Variants in CELF4 observed in about 807,000 individuals in gnomAD.
CELF4 encodes the protein CUGBP Elav-like family member 4, also known as CUG-BP- and ETR-3-like factor 4.
In CELF4, 18 loss-of-function variants were observed where a neutral mutation model predicts 59.9. That is an observed-to-expected ratio of 0.30 (90% CI 0.21 to 0.45). The LOEUF (loss-of-function observed/expected upper bound fraction) is 0.45, where lower values mean the gene tolerates loss of function less well. Ranked by LOEUF, CELF4 falls within the 20% of genes least tolerant of loss-of-function variation. CELF4 has a pLI of 1.00. For missense variants in CELF4, 456 were observed against 689.0 expected (o/e 0.66, Z 3.79); for synonymous variants, 261 against 267.1 (o/e 0.98, Z 0.22).
chr18:37,492,358 T>C (rs995228109), intron 1 of CELF4, among the ~76,000 whole-genome samples: 1 of 152,184 alleles, frequency 6.6e-6, no homozygotes, highest in Non-Finnish European at 1.5e-5. Flanking sequence ...CACCCCCGGC[T>C]GCACCTGAGA....
At chr18:37,298,193 A>C (rs146326697) in intron 3 of CELF4, among the ~76,000 whole-genome samples, 4 of 152,278 alleles carry the variant, frequency 2.6e-5, no homozygotes, top group Admixed American at 1.3e-4. Context: ...GAATATCTTG[A>C]GAGTGTGTAT....
At chr18:37,271,067 C>T in intron 7 of CELF4, 150 bp from the exon 8 acceptor site, 1 of 653,622 alleles carries the variant, frequency 1.5e-6, no homozygotes, top group Non-Finnish European at 2.5e-6. Flanking sequence ...TATCTATGAC[C>T]CATGCCTTGG....
rs190524086 is a variant in CELF4, at chr18:37,447,935, G to A, written c.369+37590C>T. Among the ~76,000 whole-genome samples the A allele has an allele frequency of 2.8e-4, 43 of 152,230 alleles. 1 individual carries two copies. The highest frequency in any genetic ancestry group is 6.7e-4 in the African/African-American group (28 of 41,542). ...CCCCAAGCACCTCCACCTCTCCTCC[G>A]GGGCCATCCAGGGCTCCCTGCAGCT... is the stretch of plus-strand genomic sequence containing the variant. On this transcript the variant is annotated intron_variant, in intron 2 of 12. Transcript: ENST00000420428.
intron 1 of CELF4, among the ~76,000 whole-genome samples, chr18:37,553,969 G>A (rs1010898227): frequency 2.0e-5 from 3 of 152,206 alleles, no homozygotes; most frequent in Non-Finnish European, 2.9e-5. Flanking sequence ...CGCAATTTAG[G>A]GGCTTCCTCC....
At chr18:37,364,619 C>T (rs1030086723) in intron 2 of CELF4, among the ~76,000 whole-genome samples, 1 of 152,208 alleles carries the variant, frequency 6.6e-6, no homozygotes, top group Admixed American at 6.5e-5. Flanking sequence ...TGCATACTAT[C>T]CACCAGGCCC....
intron 2 of CELF4, among the ~76,000 whole-genome samples, chr18:37,459,258 T>G (rs1170286632): frequency 6.6e-6 from 1 of 152,170 alleles, no homozygotes; most frequent in African/African-American, 2.4e-5. Flanking sequence ...TTCTCTTTGG[T>G]CCCAGTTTGT....
At chr18:37,481,527 G>C (rs2099867121) in intron 2 of CELF4, among the ~76,000 whole-genome samples, 1 of 152,164 alleles carries the variant, frequency 6.6e-6, no homozygotes, top group South Asian at 2.1e-4. Flanking sequence ...GAGGAGCTGC[G>C]ACAAAGCTTC....
intron 2 of CELF4, among the ~76,000 whole-genome samples, chr18:37,455,610 C>T (rs1458778602): frequency 1.3e-5 from 2 of 152,214 alleles, no homozygotes; most frequent in Non-Finnish European, 2.9e-5. Flanking sequence ...GACATCAGGG[C>T]TGTGGACACA....
chr18:37,387,832 C>T (rs2099115516), intron 2 of CELF4, among the ~76,000 whole-genome samples: 1 of 152,228 alleles, frequency 6.6e-6, no homozygotes, highest in Admixed American at 6.5e-5. Flanking sequence ...CATCCCCAAT[C>T]CTGGCGAAGG....
At chr18:37,443,983 C>A (rs747113287) in intron 2 of CELF4, among the ~76,000 whole-genome samples, 1 of 152,146 alleles carries the variant, frequency 6.6e-6, no homozygotes, top group Non-Finnish European at 1.5e-5. Context: ...ATTCTCCTCA[C>A]GCTCTATAAT....
chr18:37,300,865 A>AG (rs2095984526), intron 3 of CELF4, among the ~76,000 whole-genome samples: 2 of 152,204 alleles, frequency 1.3e-5, no homozygotes, highest in South Asian at 4.1e-4. Flanking sequence ...TGCCTGGCAG[A>AG]GGGAGCAGCT....
intron 1 of CELF4, among the ~76,000 whole-genome samples, chr18:37,510,117 T>C (rs73947293): frequency 0.05 from 7,627 of 152,202 alleles, 188 homozygotes; most frequent in Non-Finnish European, 0.059. Flanking sequence ...TGGTACTAAA[T>C]GCCACTGAAT....
At chr18:37,530,394 G>A (rs960410600) in intron 1 of CELF4, among the ~76,000 whole-genome samples, 3 of 152,046 alleles carry the variant, frequency 2.0e-5, no homozygotes, top group Admixed American at 1.3e-4. Flanking sequence ...CCATCACCCC[G>A]TGCTTTTCTT....
chr18:37,392,857 G>A (rs975300439), intron 2 of CELF4, among the ~76,000 whole-genome samples: 2 of 152,090 alleles, frequency 1.3e-5, no homozygotes, highest in African/African-American at 2.4e-5. Context: ...CCTTTCCCCC[G>A]TCATCTGCTT....
chr18:37,402,815 C>A (rs2099346465), intron 2 of CELF4, among the ~76,000 whole-genome samples: 1 of 152,308 alleles, frequency 6.6e-6, no homozygotes, highest in South Asian at 2.1e-4. Flanking sequence ...CAGCCCTGTG[C>A]CCTTCCACAG....
At chr18:37,370,331 G>A (rs1010587921) in intron 2 of CELF4, among the ~76,000 whole-genome samples, 3 of 152,282 alleles carry the variant, frequency 2.0e-5, no homozygotes, top group African/African-American at 7.2e-5. Context: ...GCTCGGAAAT[G>A]GAGGGCTCCA....
intron 2 of CELF4, among the ~76,000 whole-genome samples, chr18:37,360,531 C>T (rs1200656819): frequency 6.6e-6 from 1 of 152,200 alleles, no homozygotes; most frequent in African/African-American, 2.4e-5. Context: ...GGCAGTACTA[C>T]TGAAATCATC....
intron 1 of CELF4, among the ~76,000 whole-genome samples, chr18:37,513,005 G>A (rs889190287): frequency 2.0e-5 from 3 of 152,164 alleles, no homozygotes; most frequent in Non-Finnish European, 4.4e-5. Flanking sequence ...GGTCTCAGAG[G>A]CTGGGAGATG....
At chr18:37,557,401 C>T (rs897588196) in intron 1 of CELF4, among the ~76,000 whole-genome samples, 3 of 152,220 alleles carry the variant, frequency 2.0e-5, no homozygotes, top group African/African-American at 7.2e-5. Flanking sequence ...CAATCCCGGT[C>T]CTTGAACACA....
Sources: gnomAD v4.1 joint callset for allele counts (sites outside exome capture counted in the v4.1 genomes callset) on GRCh38, gnomAD v4.1.1 for gene constraint, MANE v1.5 for transcripts, NCBI Gene and HGNC (gene_info 2026-07-23, HGNC 2026-07-21) for gene names.